The following CADM2 variants were observed in gnomAD, a reference collection of about 807,000 sequenced individuals.
CADM2 encodes cell adhesion molecule 2, also known as immunoglobulin superfamily member 4D.
In CADM2, 12 loss-of-function variants were observed where a neutral mutation model predicts 49.8. The ratio of observed to expected loss-of-function variants is 0.24; its 90% CI spans 0.15 to 0.39. The LOEUF is 0.39. Ranked by LOEUF, CADM2 falls within the 10% of genes least tolerant of loss-of-function variation. The pLI, the probability that CADM2 is intolerant of heterozygous loss-of-function variation, is 1.00. For missense variants in CADM2, 378 were observed against 492.3 expected, an observed-to-expected ratio of 0.77 and a Z score of 2.20; for synonymous variants, 214 against 175.4, an observed-to-expected ratio of 1.22 and a Z score of -1.74.
chr3:86,036,217 A>G (rs1735139016), intron 8 of CADM2, among the ~76,000 whole-genome samples: 1 of 152,146 alleles, frequency 6.6e-6, no homozygotes, highest in Non-Finnish European at 1.5e-5. Context: ...CTTATTTGTC[A>G]CACATTCATT....
intron 1 of CADM2, among the ~76,000 whole-genome samples, chr3:85,542,577 A>C (rs2061573593): frequency 6.6e-6 from 1 of 152,190 alleles, no homozygotes; most frequent in Non-Finnish European, 1.5e-5. Context: ...CAGCATGAAA[A>C]TCTTTATAAA....
At chr3:85,151,445 C>G (rs1386346036) in intron 1 of CADM2, among the ~76,000 whole-genome samples, 3 of 151,784 alleles carry the variant, frequency 2.0e-5, no homozygotes, top group Admixed American at 2.0e-4. Flanking sequence ...GTTAGGAGCC[C>G]TTCATTATTT....
chr3:85,058,898 A>G (rs1178333580), intron 1 of CADM2, among the ~76,000 whole-genome samples: 8 of 151,820 alleles, frequency 5.3e-5, no homozygotes, highest in Admixed American at 4.6e-4. Flanking sequence ...ATTATGCAAA[A>G]CAATATAGAA....
In CADM2 at chr3:86,046,174, C is replaced by T. The variant is rs531830473; in HGVS notation, c.971-19431C>T. On this transcript the variant is annotated intron_variant, in intron 8 of 9. Transcript: ENST00000383699. ...ACCATAACGTGCTGTATTTTATATA[C>T]CTAGTTAACCTAAATTATGTTTTTA... Among the ~76,000 whole-genome samples, 6 of 152,164 alleles carry T rather than the reference C, an allele frequency of 3.9e-5. No homozygotes were observed. The East Asian group carries it at 7.7e-4, about 20-fold the overall frequency.
At chr3:85,521,416 TCG>T (rs1346739511) in intron 1 of CADM2, among the ~76,000 whole-genome samples, 1 of 152,138 alleles carries the variant, frequency 6.6e-6, no homozygotes, top group Non-Finnish European at 1.5e-5. Flanking sequence ...TATACGCTTA[TCG>T]ATATCATTTG....
chr3:86,007,779 C>G (rs1263571207), intron 8 of CADM2, among the ~76,000 whole-genome samples: 3 of 152,126 alleles, frequency 2.0e-5, no homozygotes, highest in Non-Finnish European at 4.4e-5. Context: ...TCTGGCTTCT[C>G]TACGACTTTC....
At chr3:85,271,460 A>G (rs941300592) in intron 1 of CADM2, among the ~76,000 whole-genome samples, 7 of 151,312 alleles carry the variant, frequency 4.6e-5, no homozygotes, top group African/African-American at 1.7e-4. Context: ...TAATTGGGTC[A>G]TAAGTTTTGA....
chr3:85,764,239 A>T (rs2069542032), intron 2 of CADM2, among the ~76,000 whole-genome samples: 1 of 152,124 alleles, frequency 6.6e-6, no homozygotes, highest in Admixed American at 6.6e-5. Context: ...GAGGAAAATA[A>T]CAGTACATGG....
chr3:85,888,284 C>T (rs997287292), intron 5 of CADM2, among the ~76,000 whole-genome samples: 1 of 152,124 alleles, frequency 6.6e-6, no homozygotes, highest in Non-Finnish European at 1.5e-5. Context: ...ATGATATACT[C>T]AGACATTTAT....
chr3:85,693,922 A>G (rs2066470657), intron 1 of CADM2, among the ~76,000 whole-genome samples: 1 of 151,376 alleles, frequency 6.6e-6, no homozygotes, highest in Non-Finnish European at 1.5e-5. Context: ...AAAGAAAAAA[A>G]AAAGAAAAGA....
intron 1 of CADM2, among the ~76,000 whole-genome samples, chr3:85,297,173 G>T (rs1319019010): frequency 3.3e-5 from 5 of 150,022 alleles, no homozygotes; most frequent in South Asian, 4.1e-4. Context: ...TATTGATATA[G>T]CTAAGCGTCA....
intron 3 of CADM2, among the ~76,000 whole-genome samples, chr3:85,880,440 A>G (rs1178083810): frequency 1.3e-5 from 2 of 152,022 alleles, no homozygotes; most frequent in East Asian, 1.9e-4. Flanking sequence ...TCCTCTTATT[A>G]CTAATTCTTT....
At chr3:85,864,931 C>T (rs1310963967) in intron 3 of CADM2, among the ~76,000 whole-genome samples, 1 of 152,180 alleles carries the variant, frequency 6.6e-6, no homozygotes, top group African/African-American at 2.4e-5. Flanking sequence ...TCTGTATTCA[C>T]TCTTCCAGTC....
chr3:84,975,825 A>G (rs188501910), intron 1 of CADM2, among the ~76,000 whole-genome samples: 63 of 151,986 alleles, frequency 4.1e-4, no homozygotes, highest in Non-Finnish European at 8.1e-4. Flanking sequence ...TGAGATGAAC[A>G]TCTTCTAAAC....
chr3:85,598,833 A>G (rs1218104646), intron 1 of CADM2, among the ~76,000 whole-genome samples: 3 of 133,886 alleles, frequency 2.2e-5, no homozygotes, highest in Middle Eastern at 8.2e-3. Context: ...CATACCATGC[A>G]TATACTTAAG....
chr3:85,122,541 A>G (rs2038902281), intron 1 of CADM2, among the ~76,000 whole-genome samples: 1 of 151,866 alleles, frequency 6.6e-6, no homozygotes. Flanking sequence ...TTGCTTTCAT[A>G]TCTGTTTTTG....
At chr3:85,779,974 T>C (rs1474982808) in intron 2 of CADM2, among the ~76,000 whole-genome samples, 4 of 152,036 alleles carry the variant, frequency 2.6e-5, no homozygotes, top group Non-Finnish European at 5.9e-5. Flanking sequence ...CTAAGTAACA[T>C]CTAGTGGTCC....
chr3:85,327,988 T>C (rs1357782037), intron 1 of CADM2, among the ~76,000 whole-genome samples: 2 of 152,316 alleles, frequency 1.3e-5, no homozygotes, highest in African/African-American at 4.8e-5. Flanking sequence ...TGAAGCTTGG[T>C]AGATGAATCA....
intron 1 of CADM2, among the ~76,000 whole-genome samples, chr3:85,014,675 G>C (rs1176715276): frequency 1.3e-5 from 2 of 152,152 alleles, no homozygotes; most frequent in African/African-American, 4.8e-5. Context: ...CAAGATTGCA[G>C]AGGCTATAGT....
Sources: gnomAD v4.1 joint callset for allele counts (sites outside exome capture counted in the v4.1 genomes callset) on GRCh38, gnomAD v4.1.1 for gene constraint, MANE v1.5 for transcripts, NCBI Gene and HGNC (gene_info 2026-07-23, HGNC 2026-07-21) for gene names.